RBM27: variants seen among roughly 807,000 people sequenced by gnomAD.
RBM27 encodes RNA-binding protein 27.
In RBM27, 22 loss-of-function variants were observed where a neutral mutation model predicts 135.3. The observed-to-expected ratio is 0.16, with a 90% CI of 0.12 to 0.23. The LOEUF (loss-of-function observed/expected upper bound fraction) is 0.23, where lower values mean the gene tolerates loss of function less well. RBM27 is among the 10% of genes least tolerant of loss of function. The pLI, the probability that RBM27 is intolerant of heterozygous loss-of-function variation, is 1.00. For synonymous variants in RBM27, 481 were observed against 442.4 expected, an observed-to-expected ratio of 1.09 and a Z score of -1.10; for missense variants, 1,009 against 1,281.0, an observed-to-expected ratio of 0.79 and a Z score of 3.24.
intron 6 of RBM27, among the ~76,000 whole-genome samples, chr5:146,231,614 T>A (rs1302365956): frequency 4.6e-5 from 7 of 152,068 alleles, no homozygotes; most frequent in African/African-American, 1.7e-4. Context: ...AAAAGAATTT[T>A]ATTTATTTAT....
At chr5:146,244,749 G>A (rs1044933383) in intron 8 of RBM27, among the ~76,000 whole-genome samples, 1 of 151,154 alleles carries the variant, frequency 6.6e-6, no homozygotes, top group Admixed American at 6.6e-5. Context: ...CTGTATTGCC[G>A]AGGCTGATCT....
intron 6 of RBM27, among the ~76,000 whole-genome samples, chr5:146,232,189 A>G (rs1486318570): frequency 1.3e-5 from 2 of 152,188 alleles, no homozygotes; most frequent in Non-Finnish European, 2.9e-5. Flanking sequence ...GTATTATTTC[A>G]AGCAAGTCAC....
At chr5:146,249,204 A>G (rs113263113) in intron 8 of RBM27, among the ~76,000 whole-genome samples, 5,046 of 152,046 alleles carry the variant, frequency 0.033, 252 homozygotes, top group African/African-American at 0.11. Flanking sequence ...GCTGGTCTCA[A>G]ACTCCTGAGC....
intron 10 of RBM27, among the ~76,000 whole-genome samples, chr5:146,257,919 C>A (rs887529491): frequency 2.0e-5 from 3 of 151,976 alleles, no homozygotes; most frequent in Non-Finnish European, 4.4e-5. Flanking sequence ...TGGGTTCAAG[C>A]GATTCTCCTG....
chr5:146,215,778 T>A (rs1333032679), intron 1 of RBM27, among the ~76,000 whole-genome samples: 1 of 151,586 alleles, frequency 6.6e-6, no homozygotes. Flanking sequence ...TTTGAGACTG[T>A]CTCTCTCTGT....
chr5:146,211,521 G>T (rs1192260286), intron 1 of RBM27, among the ~76,000 whole-genome samples: 4 of 103,030 alleles, frequency 3.9e-5, no homozygotes, highest in African/African-American at 1.4e-4. Context: ...CGCTCTTGTT[G>T]CCGAGGCTGG....
chr5:146,206,747 AT>A (rs1375943856), intron 1 of RBM27, among the ~76,000 whole-genome samples: 34 of 151,744 alleles, frequency 2.2e-4, no homozygotes, highest in Non-Finnish European at 3.7e-4. Context: ...TGCCCGGCTA[AT>A]TTTTTGTATT....
At chr5:146,206,826 A>C (rs1755700496) in intron 1 of RBM27, among the ~76,000 whole-genome samples, 1 of 151,878 alleles carries the variant, frequency 6.6e-6, no homozygotes, top group Non-Finnish European at 1.5e-5. Flanking sequence ...CAGGTGATCC[A>C]CCCACCTCGG....
chr5:146,283,716 TTA>T (rs1452214401), intron 19 of RBM27, among the ~76,000 whole-genome samples: 1 of 152,168 alleles, frequency 6.6e-6, no homozygotes, highest in Non-Finnish European at 1.5e-5. Context: ...AGTAATGGAT[TTA>T]TGAGTCTGCT....
At chr5:146,236,558 C>A (rs1757169069) in intron 7 of RBM27, among the ~76,000 whole-genome samples, 1 of 152,106 alleles carries the variant, frequency 6.6e-6, no homozygotes, top group South Asian at 2.1e-4. Flanking sequence ...ATATTAAATT[C>A]TTTAATTCTA....
intron 13 of RBM27, among the ~76,000 whole-genome samples, chr5:146,262,679 T>C (rs1195219127): frequency 6.6e-6 from 1 of 152,210 alleles, no homozygotes; most frequent in Non-Finnish European, 1.5e-5. Context: ...GTATCCCACT[T>C]CATGTAAGGG....
intron 11 of RBM27, 31 bp downstream of exon 11, chr5:146,258,624 A>G (rs201547223): frequency 5.4e-6 from 8 of 1,490,516 alleles, no homozygotes; most frequent in Middle Eastern, 1.8e-4. Context: ...GTAGCATCTA[A>G]TTGTTATTGT....
In RBM27 at chr5:146,229,752, G is replaced by A; in HGVS notation, c.431G>A (p.Arg144Lys). 6.2e-7 allele frequency: 1 copy of A among 1,611,850 alleles called. No homozygotes were observed. Reference sequence around the variant, plus strand: ...AAAAAAAGAGAAGACGGGAAATGGAGAGACTATGACCGGTACTATGAGCGG... The same window carrying A: ...AAAAAAAGAGAAGACGGGAAATGGAAAGACTATGACCGGTACTATGAGCGG... The part of the protein sequence containing the change: ...REKKREDGKW[R>K]DYDRYYERNE... The change falls in exon 5 of 21, where the codon AGA becomes AAA. Residue 144 changes from arginine to lysine, a missense_variant. Physicochemically the swap from Arg to Lys is conservative, Grantham distance 26. Around this residue, in one of 6 missense-constraint regions of RBM27, gnomAD observed 268 missense variants for 326.6 expected, o/e 0.82. Coordinates refer to ENST00000265271, the MANE Select transcript of RBM27 (RefSeq NM_018989.2).
intron 2 of RBM27, 102 bp from the exon 3 acceptor site, chr5:146,223,301 C>A: frequency 9.8e-7 from 1 of 1,019,988 alleles, no homozygotes; most frequent in Non-Finnish European, 1.4e-6. Context: ...GTCCTACTAG[C>A]AGTGTACAAG....
chr5:146,281,366 T>C (rs1433367499), intron 19 of RBM27, among the ~76,000 whole-genome samples: 1 of 152,052 alleles, frequency 6.6e-6, no homozygotes, highest in Admixed American at 6.5e-5. Flanking sequence ...GTAACATATA[T>C]TAAATAAGAT....
rs1759414673 is a variant in RBM27, at chr5:146,282,717, A to G, written c.2989-1905A>G. 2.0e-5 allele frequency among the ~76,000 whole-genome samples: 3 copies of G among 152,222 alleles called. No individual in the cohort carries two copies. In the South Asian group the frequency reaches 6.2e-4, roughly 32 times the overall value. On this transcript the variant is annotated intron_variant, in intron 19 of 20. Coordinates refer to ENST00000265271, the MANE Select transcript of RBM27 (RefSeq NM_018989.2). The stretch of plus-strand genomic sequence containing the variant: ...TTCATGGATTTTGGTATTCACAGAG[A>G]GTCCTGGAACCAGTCCCCCAGAAAC...
intron 19 of RBM27, 26 bp from the exon 20 acceptor site, chr5:146,284,596 G>T (rs1342837623): frequency 7.0e-7 from 1 of 1,433,330 alleles, no homozygotes; most frequent in Non-Finnish European, 9.8e-7. Flanking sequence ...GTGCAAACTT[G>T]TATGTTCTTC....
At chr5:146,269,397 A>G (rs769590664) in intron 16 of RBM27, 23 bp from the exon 17 acceptor site, 2 of 1,522,368 alleles carry the variant, frequency 1.3e-6, no homozygotes, top group Non-Finnish European at 1.8e-6. Flanking sequence ...GCATGGTTTT[A>G]CCTTTTTCTA....
intron 8 of RBM27, among the ~76,000 whole-genome samples, chr5:146,241,165 A>T (rs889530592): frequency 1.0e-4 from 11 of 109,670 alleles, no homozygotes; most frequent in East Asian, 5.8e-4. Context: ...TTTTTAATTT[A>T]AAAAAAATCT....
Sources: gnomAD v4.1 joint callset for allele counts (sites outside exome capture counted in the v4.1 genomes callset) on GRCh38, gnomAD v4.1.1 for gene constraint, gnomAD v4.1.1 regional missense constraint, MANE v1.5 for transcripts, NCBI Gene and HGNC (gene_info 2026-07-23, HGNC 2026-07-21) for gene names.